The following DLG2 variants were observed in gnomAD, a reference collection of about 807,000 sequenced individuals.
DLG2 encodes the protein discs large MAGUK scaffold protein 2, also known as disks large homolog 2.
DLG2 carries 45 observed loss-of-function variants against 132.5 expected under a neutral mutation model. The observed-to-expected ratio is 0.34, with a 90% CI of 0.27 to 0.44. DLG2 has a LOEUF of 0.44. Among genes scored for constraint, DLG2 ranks in the 20% least tolerant of loss-of-function variants. The pLI is 1.00. For synonymous variants in DLG2, 424 were observed against 419.6 expected (o/e 1.01, Z -0.13); for missense variants, 1,045 against 1,196.9 (o/e 0.87, Z 1.87).
chr11:84,461,781 G>A (rs1391774209), intron 7 of DLG2, among the ~76,000 whole-genome samples: 2 of 150,736 alleles, frequency 1.3e-5, no homozygotes, highest in African/African-American at 2.4e-5. Context: ...ATGGAGAAAG[G>A]TGCCAGTTTA....
At chr11:83,631,129 C>G (rs2063471595) in intron 19 of DLG2, 1 of 144,920 alleles carries the variant, frequency 6.9e-6, no homozygotes, top group Admixed American at 6.8e-5. Context: ...CTTGTTGAAT[C>G]CTTTTTGGTA....
intron 6 of DLG2, among the ~76,000 whole-genome samples, chr11:84,589,462 T>C (rs974020400): frequency 6.6e-6 from 1 of 152,132 alleles, no homozygotes; most frequent in African/African-American, 2.4e-5. Context: ...AAGTCATTAA[T>C]GTGAAAAATG....
At chr11:83,906,243 TCTCTCTCTCTCTCTCACACACACACA>T (rs2074808798) in intron 15 of DLG2, among the ~76,000 whole-genome samples, 4 of 96,264 alleles carry the variant, frequency 4.2e-5, no homozygotes, top group African/African-American at 1.6e-4. Context: ...TCTCTCTCTC[TCTCTCTCTCTCTCTCACACACACACA>T]CACACACACA....
chr11:84,785,002 T>G (rs1043155331), intron 6 of DLG2, among the ~76,000 whole-genome samples: 18 of 152,272 alleles, frequency 1.2e-4, no homozygotes, highest in African/African-American at 4.3e-4. Flanking sequence ...GTTAATTAGC[T>G]AGATTTAATC....
chr11:83,701,356 T>C (rs1420309588), intron 18 of DLG2, among the ~76,000 whole-genome samples: 1 of 152,170 alleles, frequency 6.6e-6, no homozygotes, highest in Non-Finnish European at 1.5e-5. Flanking sequence ...TATTTAAGAA[T>C]TTAAATATAC....
At chr11:85,155,075 GCTGT>G (rs2152460382) in intron 4 of DLG2, among the ~76,000 whole-genome samples, 1 of 152,254 alleles carries the variant, frequency 6.6e-6, no homozygotes, top group African/African-American at 2.4e-5. Flanking sequence ...TTTGCTTTGG[GCTGT>G]CTTTTTATAA....
intron 6 of DLG2, among the ~76,000 whole-genome samples, chr11:85,091,227 G>A (rs1286307763): frequency 2.0e-5 from 3 of 152,228 alleles, no homozygotes; most frequent in Non-Finnish European, 2.9e-5. Flanking sequence ...CTACACTGCA[G>A]TCTATTAAGT....
intron 21 of DLG2, among the ~76,000 whole-genome samples, chr11:83,487,576 C>T (rs939858260): frequency 1.3e-5 from 2 of 152,048 alleles, no homozygotes; most frequent in African/African-American, 4.8e-5. Context: ...TGACAAGTTT[C>T]TGCAACTTAA....
rs529471703 is a variant in DLG2 at position 85,246,880 on chromosome 11, T to C, written c.186+38340A>G. Among the ~76,000 whole-genome samples the C allele has an allele frequency of 3.9e-5, 6 of 152,262 alleles. No homozygotes were observed. In the South Asian group the frequency reaches 1.2e-3, roughly 31 times the overall value. ...ACATAGTTATCCAATCAGTATTACA[T>C]AGTAACTAGGCCTTTAGTATAATTT... On this transcript the variant is annotated intron_variant, in intron 4 of 27. Transcript: ENST00000376104.
chr11:84,170,468 G>A (rs564108245), intron 8 of DLG2, among the ~76,000 whole-genome samples: 86 of 152,264 alleles, frequency 5.6e-4, no homozygotes, highest in African/African-American at 2.0e-3. Flanking sequence ...GTAACAAAGC[G>A]ATAGGAGTGC....
intron 4 of DLG2, among the ~76,000 whole-genome samples, chr11:85,199,510 A>G (rs1217053180): frequency 1.3e-5 from 2 of 152,220 alleles, no homozygotes; most frequent in Non-Finnish European, 2.9e-5. Context: ...CTTAAGGTCT[A>G]TGCGTGTTAT....
chr11:84,160,769 T>C (rs1438239623), intron 9 of DLG2, among the ~76,000 whole-genome samples: 1 of 152,106 alleles, frequency 6.6e-6, no homozygotes, highest in Non-Finnish European at 1.5e-5. Context: ...AGGTAACAAG[T>C]AAAAAGTTGG....
intron 3 of DLG2, among the ~76,000 whole-genome samples, chr11:85,397,924 G>A (rs578036799): frequency 1.3e-4 from 20 of 152,040 alleles, no homozygotes; most frequent in South Asian, 8.3e-4. Flanking sequence ...TGGACCAAGC[G>A]GACCTAATAG....
At chr11:84,362,615 C>T (rs1340900536) in intron 7 of DLG2, among the ~76,000 whole-genome samples, 1 of 151,874 alleles carries the variant, frequency 6.6e-6, no homozygotes, top group Admixed American at 6.6e-5. Flanking sequence ...CCCACTAACT[C>T]GTCATCTAGC....
chr11:85,583,412 C>T lies in DLG2; in HGVS notation c.40+15245G>A, dbSNP rs992587933. ...ATGTTACCCAGGTTGGTCTTAAACT[C>T]CTGGCCTCAAGTGATCCTCCCACCT... On this transcript the variant is annotated intron_variant, in intron 3 of 27. Coordinates refer to ENST00000376104, the MANE Select transcript of DLG2 (RefSeq NM_001142699.3). Among the ~76,000 whole-genome samples, 47 of 151,182 alleles carry T rather than the reference C, an allele frequency of 3.1e-4. 1 individual carries two copies. Among genetic ancestry groups the T allele is most frequent in the African/African-American group, 1.0e-3 (42 of 41,074 alleles).
intron 19 of DLG2, among the ~76,000 whole-genome samples, chr11:83,579,518 A>G (rs1010307692): frequency 6.6e-6 from 1 of 152,232 alleles, no homozygotes; most frequent in African/African-American, 2.4e-5. Context: ...TGCAGATTTT[A>G]TAGACGTTTA....
intron 3 of DLG2, among the ~76,000 whole-genome samples, chr11:85,356,049 T>A (rs951506731): frequency 2.0e-5 from 3 of 152,184 alleles, no homozygotes; most frequent in African/African-American, 7.2e-5. Flanking sequence ...AGAATCTGAA[T>A]CTCATTTTAA....
At chr11:84,628,143 T>A (rs974068807) in intron 6 of DLG2, among the ~76,000 whole-genome samples, 1 of 152,054 alleles carries the variant, frequency 6.6e-6, no homozygotes, top group African/African-American at 2.4e-5. Flanking sequence ...TAGATATATA[T>A]ATACCCCCGA....
At chr11:83,801,351 C>A (rs2044322565) in intron 17 of DLG2, among the ~76,000 whole-genome samples, 1 of 152,170 alleles carries the variant, frequency 6.6e-6, no homozygotes, top group African/African-American at 2.4e-5. Context: ...TGATCTCAAA[C>A]TCTGTATCAG....
Sources: allele counts gnomAD v4.1 joint callset (sites outside exome capture counted in the v4.1 genomes callset), GRCh38; gene constraint gnomAD v4.1.1; transcripts MANE v1.5; gene names NCBI Gene and HGNC (gene_info 2026-07-23, HGNC 2026-07-21).